Variants in GUCA2B observed in about 807,000 individuals in gnomAD.
The protein encoded by GUCA2B is prepro-uroguanylin.
A neutral mutation model predicts 11.1 loss-of-function variants in GUCA2B; 7 were observed. The observed-to-expected ratio is 0.63, with a 90% confidence interval of 0.36 to 1.18. The LOEUF is 1.18. Ranked by LOEUF, GUCA2B falls within the 50% of genes most tolerant of loss-of-function variation. GUCA2B has a pLI of 0.02. For missense variants in GUCA2B, 140 were observed against 142.5 expected (o/e 0.98, Z 0.09); for synonymous variants, 69 against 65.3 (o/e 1.06, Z -0.27).
chr1:42,153,921 A>G (rs1261109170), intron 1 of GUCA2B, among the ~76,000 whole-genome samples: 1 of 152,226 alleles, frequency 6.6e-6, no homozygotes, highest in Non-Finnish European at 1.5e-5. Context: ...GACAGGCTCC[A>G]GAAAAATTTT....
In GUCA2B at chr1:42,153,584, G is replaced by C. The variant is rs144799893; in HGVS notation, c.90+44G>C. The C allele has an allele frequency of 9.4e-4, 1,294 of 1,378,892 alleles. 9 individuals are homozygous for C. The African/African-American group carries it at 0.015, about 16-fold the overall frequency. The allele number at this position is 1,378,892 out of a possible 1,614,324, so 85.4% of individuals were successfully genotyped here. On this transcript the variant is annotated intron_variant, in intron 1 of 2. Coordinates refer to ENST00000372581, the MANE Select transcript of GUCA2B (RefSeq NM_007102.3). The stretch of plus-strand genomic sequence containing the variant: ...GTTCCCTTTGCCTGAAGGGCCCCAT[G>C]GTGGGAGGCTAGGCTGGAGAGGGTG...
chr1:42,154,892 C>G (rs368908843), intron 2 of GUCA2B, 26 bp downstream of exon 2: 13 of 1,571,240 alleles, frequency 8.3e-6, no homozygotes, highest in African/African-American at 1.4e-5. Flanking sequence ...CCCTGCAGAA[C>G]CTCGCTCTGT....
intron 2 of GUCA2B, among the ~76,000 whole-genome samples, chr1:42,155,235 A>C (rs1465912043): frequency 6.6e-6 from 1 of 152,204 alleles, no homozygotes; most frequent in Non-Finnish European, 1.5e-5. Context: ...TGTAGCAACT[A>C]GCTAGCACTT....
Position 42,155,204 on chromosome 1 carries a change from G to A in GUCA2B, c.278-331G>A, listed in dbSNP as rs75542604. Reference sequence around the variant, plus strand: ...CAGCCAAGCTGAAACCTGAGGGATCGTGCAGAGCCAGGCACGAGAATGTAG... The same window carrying A: ...CAGCCAAGCTGAAACCTGAGGGATCATGCAGAGCCAGGCACGAGAATGTAG... On this transcript the variant is annotated intron_variant, in intron 2 of 2. Transcript: ENST00000372581. Among the ~76,000 whole-genome samples the A allele has an allele frequency of 4.3e-3, 662 of 152,318 alleles. 1 individual carries two copies. Among genetic ancestry groups the A allele is most frequent in the African/African-American group, 0.015 (603 of 41,562 alleles).
Position 42,155,575 on chromosome 1 carries a change from T to G in GUCA2B, c.318T>G (p.Val106=), listed in dbSNP as rs747305345. 1.2e-6 allele frequency: 2 copies of G among 1,614,038 alleles called. No homozygotes were observed. Among genetic ancestry groups the G allele is most frequent in the South Asian group, 2.2e-5 (2 of 91,080 alleles). The change falls in exon 3 of 3, where the codon GTT becomes GTG. Residue 106 remains valine, a synonymous_variant. Coordinates refer to ENST00000372581, the MANE Select transcript of GUCA2B (RefSeq NM_007102.3). The part of the protein sequence containing the change: ...ANDDCELCVN[V]ACTGCL Reference sequence around the variant, plus strand: ...ACGACTGTGAGCTGTGTGTGAACGTTGCGTGTACCGGCTGCCTCTGAGATA... The same window carrying G: ...ACGACTGTGAGCTGTGTGTGAACGTGGCGTGTACCGGCTGCCTCTGAGATA...
rs747305345 is a variant in GUCA2B at position 42,155,575 on chromosome 1, T to C, written c.318T>C (p.Val106=). The change falls in exon 3 of 3, where the codon GTT becomes GTC. Residue 106 remains valine, a synonymous_variant. Transcript: ENST00000372581. ...ACGACTGTGAGCTGTGTGTGAACGT[T>C]GCGTGTACCGGCTGCCTCTGAGATA... is the stretch of plus-strand genomic sequence containing the variant. ...ANDDCELCVN[V]ACTGCL is the part of the protein sequence containing the mutation. 6.2e-7 allele frequency: 1 copy of C among 1,613,920 alleles called. No homozygotes were observed. The highest frequency in any genetic ancestry group is 8.5e-7 in the Non-Finnish European group (1 of 1,179,896).
intron 1 of GUCA2B, among the ~76,000 whole-genome samples, chr1:42,154,365 G>A (rs1036397187): frequency 6.6e-6 from 1 of 152,208 alleles, no homozygotes; most frequent in Non-Finnish European, 1.5e-5. Context: ...CTGGTACCAG[G>A]CCCCCACGGG....
chr1:42,155,448 G>A, intron 2 of GUCA2B, 87 bp from the exon 3 acceptor site: 1 of 1,031,504 alleles, frequency 9.7e-7, no homozygotes, highest in Non-Finnish European at 1.5e-6. Context: ...TGTGGAAGAT[G>A]CCGCCCATTC....
intron 2 of GUCA2B, 32 bp from the exon 3 acceptor site, chr1:42,155,503 C>T: frequency 1.3e-6 from 2 of 1,588,722 alleles, no homozygotes; most frequent in Non-Finnish European, 1.7e-6. Flanking sequence ...GGCCCAGGTT[C>T]AGGTCAACTG....
rs200417255 is a variant in GUCA2B at position 42,154,753 on chromosome 1, C to A, written c.164C>A (p.Pro55His). 145 of 1,613,990 alleles carry A rather than the reference C, an allele frequency of 9.0e-5. No homozygotes were observed. In the East Asian group the frequency reaches 3.2e-3, roughly 36 times the overall value. ...CTGGAGGCACAGTGGGCACCCAGCC[C>A]CCGCCTGCAGGCCCAGAGCCTCCTG... is the stretch of plus-strand genomic sequence containing the variant. ...SDLEAQWAPS[P>H]RLQAQSLLPA... Residue 55 changes from proline (P) to histidine (H), a missense_variant, in exon 2 of 3, where the codon CCC (proline) becomes CAC (histidine). By Grantham distance (77) the Pro-to-His change is moderately conservative. Coordinates refer to ENST00000372581, the MANE Select transcript of GUCA2B (RefSeq NM_007102.3).
Position 42,154,812 on chromosome 1 carries a change from G to A in GUCA2B, c.223G>A (p.Asp75Asn). 6.2e-7 allele frequency: 1 copy of A among 1,614,112 alleles called. No individual in the cohort carries two copies. The highest frequency in any genetic ancestry group is 8.5e-7 in the Non-Finnish European group (1 of 1,180,024). ...AVCHHPALPQDLQPVCASQEA... is the reference protein window; with the variant it reads ...AVCHHPALPQNLQPVCASQEA... ...GTGCCACCACCCTGCTCTGCCTCAG[G>A]ACCTTCAGCCTGTCTGCGCCTCGCA... Residue 75 changes from aspartate (D) to asparagine (N), a missense_variant, in exon 2 of 3, where the codon GAC (aspartate) becomes AAC (asparagine). By Grantham distance (23) the Asp-to-Asn change is conservative. Coordinates refer to ENST00000372581, the MANE Select transcript of GUCA2B (RefSeq NM_007102.3).
chr1:42,155,276 C>G (rs1037849285), intron 2 of GUCA2B, among the ~76,000 whole-genome samples: 1 of 152,196 alleles, frequency 6.6e-6, no homozygotes, highest in Admixed American at 6.5e-5. Flanking sequence ...CGGGACTTGT[C>G]GGTCCTGCAT....
chr1:42,153,608 T>C lies in GUCA2B; in HGVS notation c.90+68T>C, dbSNP rs984086659. ...TGGTGGGAGGCTAGGCTGGAGAGGG[T>C]GTACTGGGAATTCAGAGGGGCACCG... is the stretch of plus-strand genomic sequence containing the variant. On this transcript the variant is annotated intron_variant, in intron 1 of 2. Transcript: ENST00000372581. 2.7e-5 allele frequency: 32 copies of C among 1,177,638 alleles called. No individual in the cohort carries two copies. In the African/African-American group the frequency reaches 3.3e-4, roughly 12 times the overall value. The allele number at this position is 1,177,638 out of a possible 1,614,324, so 72.9% of individuals were successfully genotyped here. A position where few individuals can be genotyped will look rare whatever the true frequency, so the allele number is the denominator to read the frequency against.
intron 1 of GUCA2B, among the ~76,000 whole-genome samples, chr1:42,154,438 G>T (rs1222501373): frequency 6.6e-6 from 1 of 152,204 alleles, no homozygotes; most frequent in East Asian, 1.9e-4. Flanking sequence ...CATGGGCAGA[G>T]GTGGGATTTG....
chr1:42,154,016 G>A (rs1157349186), intron 1 of GUCA2B, among the ~76,000 whole-genome samples: 1 of 152,238 alleles, frequency 6.6e-6, no homozygotes, highest in Non-Finnish European at 1.5e-5. Context: ...TCCAGGCCAA[G>A]GGGCACAGCA....
Position 42,154,842 on chromosome 1 carries a change from G to T in GUCA2B, c.253G>T (p.Ala85Ser). ...TCAGCCTGTCTGCGCCTCGCAGGAG[G>T]CTTCCAGCATCTTCAAGACCCTGAG... Reference protein sequence around the residue: ...DLQPVCASQEASSIFKTLRTI... With the variant: ...DLQPVCASQESSSIFKTLRTI... The change falls in exon 2 of 3, where the codon GCT becomes TCT. Residue 85 changes from alanine to serine, a missense_variant. Physicochemically the swap from Ala to Ser is moderately conservative, Grantham distance 99 (BLOSUM62 1). Coordinates refer to ENST00000372581, the MANE Select transcript of GUCA2B (RefSeq NM_007102.3). 6.2e-7 allele frequency: 1 copy of T among 1,613,456 alleles called. No homozygotes were observed. The highest frequency in any genetic ancestry group is 8.5e-7 in the Non-Finnish European group (1 of 1,179,670).
intron 1 of GUCA2B, among the ~76,000 whole-genome samples, chr1:42,154,477 C>T (rs1390615413): frequency 2.0e-5 from 3 of 152,220 alleles, no homozygotes; most frequent in Admixed American, 6.5e-5. Flanking sequence ...TCTAAAGCCT[C>T]GAACCACTGT....
At chr1:42,155,020 T>A (rs1646102515) in intron 2 of GUCA2B, among the ~76,000 whole-genome samples, 154 bp downstream of exon 2, 1 of 152,194 alleles carries the variant, frequency 6.6e-6, no homozygotes, top group Admixed American at 6.5e-5. Flanking sequence ...ACTCCCCGGT[T>A]TGGGCACTGT....
At chr1:42,154,086 G>A (rs1465269456) in intron 1 of GUCA2B, among the ~76,000 whole-genome samples, 1 of 152,236 alleles carries the variant, frequency 6.6e-6, no homozygotes, top group Non-Finnish European at 1.5e-5. Flanking sequence ...GGGCATGGGA[G>A]AGTGGCAGTA....
Sources: gnomAD v4.1 joint callset for allele counts (sites outside exome capture counted in the v4.1 genomes callset) on GRCh38, gnomAD v4.1.1 for gene constraint, MANE v1.5 for transcripts, NCBI Gene and HGNC (gene_info 2026-07-23, HGNC 2026-07-21) for gene names.